SLC2A5: variants seen among roughly 807,000 people sequenced by gnomAD.
SLC2A5 encodes solute carrier family 2, facilitated glucose transporter member 5.
SLC2A5 carries 56 observed loss-of-function variants against 50.3 expected under a neutral mutation model. The ratio of observed to expected loss-of-function variants is 1.11; its 90% CI spans 0.90 to 1.39. The LOEUF (loss-of-function observed/expected upper bound fraction) is 1.39, where lower values mean the gene tolerates loss of function less well. Among genes scored for constraint, SLC2A5 ranks in the 40% most tolerant of loss-of-function variants. The probability of loss-of-function intolerance (pLI) is 0.00; values close to 1 mark genes in which losing one functional copy is unlikely to be tolerated. For missense variants in SLC2A5, 566 were observed against 650.1 expected, an observed-to-expected ratio of 0.87 and a Z score of 1.41; for synonymous variants, 269 against 281.9, an observed-to-expected ratio of 0.95 and a Z score of 0.46.
chr1:9,062,623 G>A (rs1288055645), intron 1 of SLC2A5, among the ~76,000 whole-genome samples: 1 of 152,150 alleles, frequency 6.6e-6, no homozygotes, highest in Non-Finnish European at 1.5e-5. Context: ...TGTAATCCCA[G>A]CAGTTTGGGA....
rs145837687 is a variant in SLC2A5, at chr1:9,052,120, C to A, written c.294-4386G>T. On this transcript the variant is annotated intron_variant, in intron 3 of 11. Transcript: ENST00000377424. ...CCAACATGGTGAAACCCCGTCTCTA[C>A]TAAAAATGCAAAAATTAGCTGGGTG... is the stretch of plus-strand genomic sequence containing the variant. Among the ~76,000 whole-genome samples the A allele has an allele frequency of 6.0e-4, 91 of 152,242 alleles. No homozygotes were observed. The East Asian group carries it at 0.017, about 28-fold the overall frequency.
At chr1:9,087,965 C>T (rs919894316) in intron 1 of SLC2A5, among the ~76,000 whole-genome samples, 3 of 152,112 alleles carry the variant, frequency 2.0e-5, no homozygotes, top group African/African-American at 7.2e-5. Flanking sequence ...TTTTTTATTA[C>T]AACACAGCCT....
intron 1 of SLC2A5, among the ~76,000 whole-genome samples, chr1:9,062,433 C>T (rs1641969193): frequency 6.6e-6 from 1 of 152,086 alleles, no homozygotes; most frequent in Admixed American, 6.6e-5. Flanking sequence ...TGGAATTTGG[C>T]CAGTGTGGCT....
At position 9,037,497 on chromosome 1, in the gene SLC2A5, C is replaced by A; in HGVS notation, c.*89G>T. 3.8e-5 allele frequency: 40 copies of A among 1,059,150 alleles called. No homozygotes were observed. The highest frequency in any genetic ancestry group is 6.3e-5 in the African/African-American group (4 of 63,186). The allele number at this position is 1,059,150 out of a possible 1,614,324, so 65.6% of individuals were successfully genotyped here. A position where few individuals can be genotyped will look rare whatever the true frequency, so the allele number is the denominator to read the frequency against. ...ATTCCACATCAGAGTTGTTTTATTT[C>A]TGGATATTCACAGACAGCTAGAAGT... On this transcript the variant is annotated 3_prime_UTR_variant, in exon 12 of 12. Coordinates refer to ENST00000377424, the MANE Select transcript of SLC2A5 (RefSeq NM_003039.3).
At chr1:9,057,218 G>A (rs745668394) in intron 3 of SLC2A5, among the ~76,000 whole-genome samples, 11 of 151,180 alleles carry the variant, frequency 7.3e-5, no homozygotes, top group Non-Finnish European at 2.9e-5. Context: ...CCTGGGAGGC[G>A]GAGGTTGCGG....
At chr1:9,048,894 T>C (rs766847178) in intron 3 of SLC2A5, among the ~76,000 whole-genome samples, 5 of 152,154 alleles carry the variant, frequency 3.3e-5, no homozygotes, top group Non-Finnish European at 7.4e-5. Flanking sequence ...TGGCCTCAAG[T>C]GATCTGCCCA....
At chr1:9,085,040 C>G (rs72632944) in exon 2 of SLC2A5, 2,258 of 152,608 alleles carry the variant, frequency 0.015, 28 homozygotes, top group South Asian at 0.026. Flanking sequence ...ACCCGCAGGA[C>G]TCTCCTTGGT....
rs748171858 is a variant in SLC2A5 at position 9,038,854 on chromosome 1, C to T, written c.1072G>A (p.Val358Met). The change falls in exon 9 of 12, where the codon GTG becomes ATG. Residue 358 changes from valine to methionine, a missense_variant. Transcript: ENST00000377424. The stretch of plus-strand genomic sequence containing the variant: ...TGCAGTGCCAGAGCTGCAGTGAGCA[C>T]GCAGCAGGCTATGAGGCAGATGGAG... The part of the protein sequence containing the change: ...GFSICLIACC[V>M]LTAALALQDT... The T allele has an allele frequency of 9.9e-5, 160 of 1,612,044 alleles. No individual in the cohort carries two copies. The highest frequency in any genetic ancestry group is 1.6e-4 in the Middle Eastern group (1 of 6,066).
rs1269411478 is a variant in SLC2A5, at chr1:9,040,331, A to G, written c.572-142T>C. 7.1e-5 allele frequency: 72 copies of G among 1,007,522 alleles called. 1 individual carries two copies. In the South Asian group the frequency reaches 1.1e-3, roughly 16 times the overall value. 62.4% of individuals were successfully genotyped at this position (1,007,522 alleles called of 1,614,324 possible). A position where few individuals can be genotyped will look rare whatever the true frequency, so the allele number is the denominator to read the frequency against. On this transcript the variant is annotated intron_variant, in intron 5 of 11. Transcript: ENST00000377424. This position sits in a 1 kb window ranked among gnomAD's most constrained non-coding sequence, Gnocchi z 4.3. ...AGCTTTCCCAGCCCTAAGAACAGCA[A>G]CTCCCGACGGTGGACACTCGGGAAA...
intron 2 of SLC2A5, among the ~76,000 whole-genome samples, chr1:9,075,638 T>TTGATTATAGC (rs778413839): frequency 2.0e-5 from 3 of 152,276 alleles, no homozygotes; most frequent in Non-Finnish European, 4.4e-5. Context: ...TTTGTTTTAA[T>TTGATTATAGC]TGATTATAGC....
upstream of SLC2A5, among the ~76,000 whole-genome samples, chr1:9,089,201 A>G (rs1479338071): frequency 6.6e-6 from 1 of 152,208 alleles, no homozygotes; most frequent in Non-Finnish European, 1.5e-5. Flanking sequence ...CATCAGATAA[A>G]GAGACCACAC....
chr1:9,046,860 T>C (rs1386051529), intron 4 of SLC2A5, among the ~76,000 whole-genome samples: 1 of 152,020 alleles, frequency 6.6e-6, no homozygotes. Flanking sequence ...GTAATCCCCA[T>C]GTGTCAAGGG....
At chr1:9,042,039 G>A in intron 4 of SLC2A5, 102 bp from the exon 5 acceptor site, 2 of 1,427,532 alleles carry the variant, frequency 1.4e-6, no homozygotes, top group Non-Finnish European at 1.8e-6. Context: ...ATTTGGGCCA[G>A]AACTCTCTCA....
chr1:9,051,087 G>C (rs1007607844), intron 3 of SLC2A5, among the ~76,000 whole-genome samples: 11 of 152,092 alleles, frequency 7.2e-5, no homozygotes, highest in Non-Finnish European at 7.3e-5. Context: ...GCATATCAAG[G>C]AGGGAGGTGG....
chr1:9,069,620 G>A lies in SLC2A5; in HGVS notation c.-84C>T. ...CTGAATGGAGAGAGAAGACATTCTG[G>A]GTGCACTTTGGCCATGCCAAATAAC... On this transcript the variant is annotated 5_prime_UTR_variant, in exon 1 of 12. Transcript: ENST00000377424. 6.6e-7 allele frequency: 1 copy of A among 1,510,648 alleles called. No individual in the cohort carries two copies. Among genetic ancestry groups the A allele is most frequent in the Non-Finnish European group, 9.2e-7 (1 of 1,090,218 alleles). 93.6% of individuals were successfully genotyped at this position (1,510,648 alleles called of 1,614,324 possible).
chr1:9,050,945 G>A (rs992576208), intron 3 of SLC2A5, among the ~76,000 whole-genome samples: 13 of 152,192 alleles, frequency 8.5e-5, no homozygotes, highest in African/African-American at 2.6e-4. Flanking sequence ...TACATACAGC[G>A]TCAACTGGAC....
chr1:9,045,962 C>T (rs140126411), intron 4 of SLC2A5, among the ~76,000 whole-genome samples: 2,024 of 151,938 alleles, frequency 0.013, 29 homozygotes, highest in South Asian at 0.064. Context: ...TGGGGCTCAC[C>T]ATCCTCCCTT....
At chr1:9,060,301 G>GC (rs368736070) in intron 1 of SLC2A5, among the ~76,000 whole-genome samples, 3,292 of 37,080 alleles carry the variant, frequency 0.089, 59 homozygotes, top group Middle Eastern at 0.2. Context: ...ACACACACAC[G>GC]CCCCCCCACA....
intron 4 of SLC2A5, among the ~76,000 whole-genome samples, chr1:9,042,946 T>C (rs1044239982): frequency 1.3e-5 from 2 of 152,180 alleles, no homozygotes; most frequent in South Asian, 2.1e-4. Context: ...AATATTCCCA[T>C]CATACTTGAA....
Sources: gnomAD v4.1 joint callset for allele counts (sites outside exome capture counted in the v4.1 genomes callset) on GRCh38, gnomAD v4.1.1 for gene constraint, Gnocchi (gnomAD v3.1) non-coding constraint, MANE v1.5 for transcripts, NCBI Gene and HGNC (gene_info 2026-07-23, HGNC 2026-07-21) for gene names.